The following PTGER3 variants were observed in gnomAD, a reference collection of about 807,000 sequenced individuals.
The protein encoded by PTGER3 is prostaglandin E receptor 3.
In PTGER3, 22 loss-of-function variants were observed where a neutral mutation model predicts 34.7. That is an observed-to-expected ratio of 0.63 (90% CI 0.45 to 0.91). The LOEUF (loss-of-function observed/expected upper bound fraction) is 0.91. PTGER3 is among the 40% of genes least tolerant of loss of function. The pLI, the probability that PTGER3 is intolerant of heterozygous loss-of-function variation, is 0.00. For synonymous variants in PTGER3, 241 were observed against 230.1 expected, an observed-to-expected ratio of 1.05 and a Z score of -0.43; for missense variants, 468 against 519.4, an observed-to-expected ratio of 0.90 and a Z score of 0.96.
At chr1:71,032,391 T>C (rs1467263456) in intron 1 of PTGER3, among the ~76,000 whole-genome samples, 3 of 152,218 alleles carry the variant, frequency 2.0e-5, no homozygotes, top group Admixed American at 1.3e-4. Flanking sequence ...AACAAAACAA[T>C]AGAAAAAATC....
intron 2 of PTGER3, among the ~76,000 whole-genome samples, chr1:70,982,191 G>C (rs1306113003): frequency 6.6e-6 from 1 of 152,128 alleles, no homozygotes; most frequent in Non-Finnish European, 1.5e-5. Context: ...TCTGATACCA[G>C]GTTAAGAGGG....
chr1:70,918,835 T>C (rs1647277964), intron 4 of PTGER3, among the ~76,000 whole-genome samples: 1 of 152,022 alleles, frequency 6.6e-6, no homozygotes, highest in Non-Finnish European at 1.5e-5. Context: ...TGCTAATATA[T>C]AGGTAGCTCT....
intron 4 of PTGER3, among the ~76,000 whole-genome samples, chr1:70,915,086 A>G (rs915106223): frequency 6.6e-6 from 1 of 151,880 alleles, no homozygotes; most frequent in Non-Finnish European, 1.5e-5. Flanking sequence ...TTTTTATTCT[A>G]TCATCTCATA....
At chr1:70,899,857 T>C (rs1646799895) in intron 4 of PTGER3, among the ~76,000 whole-genome samples, 1 of 152,106 alleles carries the variant, frequency 6.6e-6, no homozygotes. Context: ...TTCACACCAA[T>C]TGTCATAGGG....
intron 1 of PTGER3, among the ~76,000 whole-genome samples, chr1:71,038,656 T>A (rs1660027726): frequency 1.3e-5 from 2 of 152,250 alleles, no homozygotes; most frequent in South Asian, 2.1e-4. Context: ...CCAGAGAATA[T>A]CTGGAAAGGC....
intron 4 of PTGER3, among the ~76,000 whole-genome samples, chr1:70,947,223 C>A (rs1650301822): frequency 6.6e-6 from 1 of 152,056 alleles, no homozygotes. Flanking sequence ...GTGTCCCCAC[C>A]CAAATTTCAA....
chr1:70,882,651 CA>C (rs1418491233), intron 4 of PTGER3, among the ~76,000 whole-genome samples: 2 of 152,164 alleles, frequency 1.3e-5, no homozygotes, highest in Non-Finnish European at 2.9e-5. Flanking sequence ...CTCTCTACCT[CA>C]GTTTATTATC....
chr1:70,920,569 G>A (rs1434363491), intron 4 of PTGER3, among the ~76,000 whole-genome samples: 1 of 152,148 alleles, frequency 6.6e-6, no homozygotes, highest in Non-Finnish European at 1.5e-5. Flanking sequence ...TTTGCATGTT[G>A]ACACATGGTA....
chr1:70,909,350 G>A (rs529339619), intron 4 of PTGER3, among the ~76,000 whole-genome samples: 1 of 152,120 alleles, frequency 6.6e-6, no homozygotes, highest in East Asian at 1.9e-4. Context: ...AGCATGAGAG[G>A]GAGACATACT....
chr1:70,987,126 C>A (rs1167862160), intron 2 of PTGER3, among the ~76,000 whole-genome samples: 2 of 152,092 alleles, frequency 1.3e-5, no homozygotes, highest in South Asian at 2.1e-4. Context: ...TATCAATGGC[C>A]CTAAACAAAT....
At chr1:70,965,597 A>G (rs548234112) in intron 2 of PTGER3, among the ~76,000 whole-genome samples, 12 of 152,230 alleles carry the variant, frequency 7.9e-5, no homozygotes, top group African/African-American at 2.2e-4. Context: ...TTAATATGAC[A>G]GTTAGCTAAT....
intron 4 of PTGER3, among the ~76,000 whole-genome samples, chr1:70,881,134 C>T (rs1646382166): frequency 6.6e-6 from 1 of 152,096 alleles, no homozygotes; most frequent in Non-Finnish European, 1.5e-5. Flanking sequence ...TTATTTTTGT[C>T]TGACGGAGTT....
intron 4 of PTGER3, among the ~76,000 whole-genome samples, chr1:70,937,040 T>A (rs1237079268): frequency 6.6e-6 from 1 of 152,156 alleles, no homozygotes; most frequent in Non-Finnish European, 1.5e-5. Flanking sequence ...AATATATTTT[T>A]CCCAACTTGT....
chr1:70,961,080 G>C (rs182991521), intron 2 of PTGER3, among the ~76,000 whole-genome samples: 3 of 152,208 alleles, frequency 2.0e-5, no homozygotes, highest in Non-Finnish European at 4.4e-5. Flanking sequence ...CTGATCTGGG[G>C]GCAATACTTT....
At chr1:70,998,594 A>C (rs946043913) in intron 2 of PTGER3, among the ~76,000 whole-genome samples, 1 of 152,220 alleles carries the variant, frequency 6.6e-6, no homozygotes, top group African/African-American at 2.4e-5. Flanking sequence ...GGGAAGTAAC[A>C]GCTCCACTAA....
At chr1:71,021,598 C>T (rs572756547) in intron 1 of PTGER3, among the ~76,000 whole-genome samples, 1 of 150,174 alleles carries the variant, frequency 6.7e-6, no homozygotes, top group South Asian at 2.1e-4. Context: ...GCTTAAAGTA[C>T]ATTAATCCTT....
At chr1:70,906,524 G>GC (rs397774184) in intron 4 of PTGER3, among the ~76,000 whole-genome samples, 1 of 151,462 alleles carries the variant, frequency 6.6e-6, no homozygotes, top group Non-Finnish European at 1.5e-5. Flanking sequence ...TGCAGGAGTG[G>GC]AAAAAATGAG....
rs542639387 is a variant in PTGER3 at position 70,919,963 on chromosome 1, A to T, written c.*23+33800T>A. ...GAGTTCCGCTAGCCTAAGGTAAGATATCTTGCCAATTATAAATGAGCTCTG... is the reference window on the plus strand; with the variant it reads ...GAGTTCCGCTAGCCTAAGGTAAGATTTCTTGCCAATTATAAATGAGCTCTG... On this transcript the variant is annotated intron_variant, in intron 4 of 4. Transcript: ENST00000370931. 1.5e-4 allele frequency among the ~76,000 whole-genome samples: 23 copies of T among 152,300 alleles called. 1 individual carries two copies. The highest frequency in any genetic ancestry group is 5.5e-4 in the African/African-American group (23 of 41,580).
At chr1:71,046,448 A>G (rs1660822899) in intron 1 of PTGER3, among the ~76,000 whole-genome samples, 1 of 152,162 alleles carries the variant, frequency 6.6e-6, no homozygotes, top group Non-Finnish European at 1.5e-5. Context: ...TGTGATCTCT[A>G]TGTGCTCATA....
Sources: allele counts gnomAD v4.1 joint callset (sites outside exome capture counted in the v4.1 genomes callset), GRCh38; gene constraint gnomAD v4.1.1; transcripts MANE v1.5; gene names NCBI Gene and HGNC (gene_info 2026-07-23, HGNC 2026-07-21).